Variants in ARHGEF10L observed in about 807,000 individuals in gnomAD.
ARHGEF10L encodes the protein Rho guanine nucleotide exchange factor 10 like.
In ARHGEF10L, 69 loss-of-function variants were observed where a neutral mutation model predicts 141.2. The observed-to-expected ratio is 0.49, with a 90% CI of 0.40 to 0.60. The LOEUF (loss-of-function observed/expected upper bound fraction) is 0.60, where lower values mean the gene tolerates loss of function less well. ARHGEF10L is among the 20% of genes least tolerant of loss of function. The probability of loss-of-function intolerance (pLI) is 0.00; values close to 1 mark genes in which losing one functional copy is unlikely to be tolerated. For synonymous variants in ARHGEF10L, 711 were observed against 718.5 expected (o/e 0.99, Z 0.17); for missense variants, 1,482 against 1,734.3 (o/e 0.85, Z 2.58).
At position 17,602,112 on chromosome 1, in the gene ARHGEF10L, A is replaced by G. The variant is rs1288312316; in HGVS notation, c.258-15A>G. On this transcript the variant is annotated splice_polypyrimidine_tract_variant and intron_variant, in intron 4 of 28. Coordinates refer to ENST00000361221, the MANE Select transcript of ARHGEF10L (RefSeq NM_018125.4). ...CACCTCTGGACACCTCTGCAGTGCC[A>G]TCTCTTGCCCGCAGGGTGCCAGCCT... 3.2e-6 allele frequency: 5 copies of G among 1,550,232 alleles called. No homozygotes were observed. In the African/African-American group the frequency reaches 4.1e-5, roughly 13 times the overall value.
chr1:17,654,487 C>T lies in ARHGEF10L; in HGVS notation c.2395-149C>T. On this transcript the variant is annotated intron_variant, in intron 22 of 28. Coordinates refer to ENST00000361221, the MANE Select transcript of ARHGEF10L (RefSeq NM_018125.4). This position sits in a 1 kb window ranked among gnomAD's most constrained non-coding sequence, Gnocchi z 4.3. ...AGCGTGTAGGAACTGCCTGGAGAAG[C>T]AGGCACTCGTGAAGCATGTTGCTTT... The T allele has an allele frequency of 1.3e-6, 1 of 746,454 alleles. No homozygotes were observed. Among genetic ancestry groups the T allele is most frequent in the Non-Finnish European group, 2.4e-6 (1 of 411,392 alleles). The allele number at this position is 746,454 out of a possible 1,614,324, so 46.2% of individuals were successfully genotyped here.
intron 4 of ARHGEF10L, 128 bp downstream of exon 4, chr1:17,588,607 C>G: frequency 1.7e-6 from 2 of 1,153,672 alleles, no homozygotes; most frequent in Admixed American, 1.9e-5. Context: ...AAGCATTTCA[C>G]TGAGGCCCTG....
At chr1:17,588,918 G>T (rs1360886469) in intron 4 of ARHGEF10L, among the ~76,000 whole-genome samples, 12 of 85,698 alleles carry the variant, frequency 1.4e-4, no homozygotes, top group Non-Finnish European at 2.6e-4. Flanking sequence ...AGGTTGGGGG[G>T]GTTTGAGGGT....
intron 7 of ARHGEF10L, among the ~76,000 whole-genome samples, chr1:17,609,206 G>T (rs1194784740): frequency 6.6e-6 from 1 of 152,210 alleles, no homozygotes; most frequent in African/African-American, 2.4e-5. Context: ...GGGCTTGGGG[G>T]ATCCACTCTG....
chr1:17,640,655 T>C (rs975503212), intron 21 of ARHGEF10L, among the ~76,000 whole-genome samples: 17 of 152,096 alleles, frequency 1.1e-4, no homozygotes, highest in African/African-American at 4.1e-4. Context: ...GTTCTAAAAT[T>C]AGATGGTGGT....
chr1:17,628,896 A>C (rs961456647), intron 15 of ARHGEF10L, among the ~76,000 whole-genome samples: 2 of 152,324 alleles, frequency 1.3e-5, no homozygotes, highest in East Asian at 3.9e-4. Context: ...TGGGGCAGGG[A>C]CAAGGCCTCC....
At chr1:17,577,309 G>A (rs1033131160) in intron 1 of ARHGEF10L, among the ~76,000 whole-genome samples, 6 of 152,202 alleles carry the variant, frequency 3.9e-5, no homozygotes, top group African/African-American at 1.4e-4. Flanking sequence ...GCCTCCCAAA[G>A]TGCTGGGATT....
Position 17,656,561 on chromosome 1 carries a change from C to T in ARHGEF10L, c.2713C>T (p.Leu905Phe). Residue 905 changes from leucine to phenylalanine, a missense_variant, in exon 25 of 29, where the codon CTC (leucine) becomes TTC (phenylalanine). Coordinates refer to ENST00000361221, the MANE Select transcript of ARHGEF10L (RefSeq NM_018125.4). The surrounding 1 kb of genome is among the most constrained non-coding windows in gnomAD (Gnocchi z 4.9). ...TCCAACCTCTCCCCGCAGCATCCTC[C>T]TCTACAGCAGTGTGGACACTGGCAC... Reference protein sequence around the residue: ...CLGLQDGSILLYSSVDTGTQC... With the variant: ...CLGLQDGSILFYSSVDTGTQC... The T allele has an allele frequency of 6.2e-7, 1 of 1,612,096 alleles. No homozygotes were observed. Among genetic ancestry groups the T allele is most frequent in the South Asian group, 1.1e-5 (1 of 90,950 alleles).
At chr1:17,667,909 T>G (rs551203282) in intron 26 of ARHGEF10L, among the ~76,000 whole-genome samples, 1 of 152,296 alleles carries the variant, frequency 6.6e-6, no homozygotes, top group East Asian at 1.9e-4. Flanking sequence ...TCCGGGCAGC[T>G]GGCACCCTAC....
At chr1:17,687,476 G>A in intron 26 of ARHGEF10L, 97 bp from the exon 27 acceptor site, 1 of 1,394,022 alleles carries the variant, frequency 7.2e-7, no homozygotes, top group South Asian at 1.3e-5. Context: ...TTGAGCTTTT[G>A]AAGAATGTGA....
chr1:17,664,784 G>A (rs952736266), intron 26 of ARHGEF10L, among the ~76,000 whole-genome samples, 189 bp downstream of exon 26: 6 of 152,188 alleles, frequency 3.9e-5, no homozygotes, highest in Admixed American at 2.6e-4. Flanking sequence ...GCCACACATC[G>A]CCAAGGCTAC....
intron 21 of ARHGEF10L, among the ~76,000 whole-genome samples, chr1:17,641,358 G>A (rs955515504): frequency 2.6e-5 from 4 of 152,194 alleles, no homozygotes; most frequent in Admixed American, 6.5e-5. Context: ...AAGGCCGGGC[G>A]CAGTGGCTCA....
At chr1:17,635,643 C>T (rs1029007960) in intron 18 of ARHGEF10L, among the ~76,000 whole-genome samples, 1 of 152,218 alleles carries the variant, frequency 6.6e-6, no homozygotes, top group Non-Finnish European at 1.5e-5. Context: ...TTCTTATGCC[C>T]TCATGCTGGG....
At chr1:17,588,353 C>T in intron 3 of ARHGEF10L, 93 bp from the exon 4 acceptor site, 3 of 1,448,670 alleles carry the variant, frequency 2.1e-6, no homozygotes, top group Non-Finnish European at 1.9e-6. Flanking sequence ...GTCTGCGGCG[C>T]CCCTGGGGAG....
At chr1:17,592,856 G>A (rs1363178077) in intron 4 of ARHGEF10L, among the ~76,000 whole-genome samples, 10 of 152,284 alleles carry the variant, frequency 6.6e-5, no homozygotes, top group African/African-American at 2.4e-4. Flanking sequence ...GCAGATACCG[G>A]CTCTCCGCCC....
rs1384883308 is a variant in ARHGEF10L, at chr1:17,621,033, C to A, written c.943-831C>A. Among the ~76,000 whole-genome samples the A allele has an allele frequency of 6.6e-6, 1 of 151,974 alleles. No individual in the cohort carries two copies. Among genetic ancestry groups the A allele is most frequent in the Non-Finnish European group, 1.5e-5 (1 of 67,998 alleles). ...GCAGCTGAGGGGTTGTGATCCACTCCGTGGGCCAGGCTTCTGGAGGGTTAC... is the reference window on the plus strand; with the variant it reads ...GCAGCTGAGGGGTTGTGATCCACTCAGTGGGCCAGGCTTCTGGAGGGTTAC... On this transcript the variant is annotated intron_variant, in intron 10 of 28. Transcript: ENST00000361221. The surrounding 1 kb of genome is among the most constrained non-coding windows in gnomAD (Gnocchi z 4.1).
At chr1:17,530,323 C>A in the ARHGEF10L span, among the ~76,000 whole-genome samples, 6 of 152,350 alleles carry the variant, frequency 3.9e-5, 1 homozygote, top group Admixed American at 2.0e-4. Context: ...CTGGCACCCC[C>A]ACTTAATCAG....
chr1:17,668,026 TCA>T (rs2063092318), intron 26 of ARHGEF10L, among the ~76,000 whole-genome samples: 1 of 152,220 alleles, frequency 6.6e-6, no homozygotes, highest in African/African-American at 2.4e-5. Context: ...TTCCTGGGCC[TCA>T]GTTACTTCAT....
Position 17,638,013 on chromosome 1 carries a change from C to T in ARHGEF10L, c.2043+10C>T, listed in dbSNP as rs865923117. The stretch of plus-strand genomic sequence containing the variant: ...GCACGGCACCTACCAGGTACGTGGC[C>T]TGGCCTGACCTTTTTGGCCTGAGCT... On this transcript the variant is annotated intron_variant, in intron 19 of 28. Coordinates refer to ENST00000361221, the MANE Select transcript of ARHGEF10L (RefSeq NM_018125.4). The T allele has an allele frequency of 5.1e-6, 8 of 1,566,268 alleles. No homozygotes were observed. The highest frequency in any genetic ancestry group is 3.3e-4 in the Middle Eastern group (2 of 6,014).
Sources: allele counts gnomAD v4.1 joint callset (sites outside exome capture counted in the v4.1 genomes callset), GRCh38; gene constraint gnomAD v4.1.1; non-coding constraint Gnocchi (gnomAD v3.1); transcripts MANE v1.5; gene names NCBI Gene and HGNC (gene_info 2026-07-23, HGNC 2026-07-21).